Variants in NXPE2 observed in about 807,000 individuals in gnomAD.
NXPE2 encodes the protein neurexophilin and PC-esterase domain family member 2, also known as NXPE family member 2.
NXPE2 carries 34 observed loss-of-function variants against 34.4 expected under a neutral mutation model. The ratio of observed to expected loss-of-function variants is 0.99; its 90% CI spans 0.75 to 1.31. NXPE2 has a LOEUF of 1.31. NXPE2 is among the 40% of genes most tolerant of loss of function. NXPE2 has a pLI of 0.00. For missense variants in NXPE2, 649 were observed against 672.5 expected (o/e 0.97, Z 0.39); for synonymous variants, 235 against 231.3 (o/e 1.02, Z -0.15).
chr11:114,790,719 T>G, the NXPE2 span, among the ~76,000 whole-genome samples: 1 of 152,102 alleles, frequency 6.6e-6, no homozygotes, highest in Non-Finnish European at 1.5e-5. Context: ...CAAGCCCAGC[T>G]TTGTGCCAGG....
At chr11:114,719,467 T>C in the NXPE2 span, among the ~76,000 whole-genome samples, 7 of 152,212 alleles carry the variant, frequency 4.6e-5, no homozygotes, top group Non-Finnish European at 8.8e-5. Flanking sequence ...GGGAGCTGCT[T>C]GGTTGTGCCT....
At chr11:114,500,543 T>C in the NXPE2 span, among the ~76,000 whole-genome samples, 7 of 152,280 alleles carry the variant, frequency 4.6e-5, no homozygotes, top group African/African-American at 1.7e-4. Flanking sequence ...TTACGTATTG[T>C]AATATTTTCT....
the NXPE2 span, among the ~76,000 whole-genome samples, chr11:114,585,506 A>C: frequency 6.6e-6 from 1 of 152,114 alleles, no homozygotes; most frequent in South Asian, 2.1e-4. Context: ...AATTGGATTT[A>C]AGTCAAAAAC....
the NXPE2 span, among the ~76,000 whole-genome samples, chr11:114,576,757 A>G: frequency 2.6e-5 from 4 of 151,938 alleles, no homozygotes; most frequent in Admixed American, 6.6e-5. Flanking sequence ...AACTAGTGTA[A>G]CCACTAAGAA....
chr11:114,796,437 A>G, the NXPE2 span, among the ~76,000 whole-genome samples: 1 of 152,216 alleles, frequency 6.6e-6, no homozygotes, highest in Non-Finnish European at 1.5e-5. Flanking sequence ...GAAAATAAGT[A>G]TCAGAGAAAG....
chr11:114,791,875 G>A, the NXPE2 span, among the ~76,000 whole-genome samples: 10 of 152,126 alleles, frequency 6.6e-5, no homozygotes, highest in African/African-American at 2.4e-4. Context: ...CTAACACGGT[G>A]AAACCCTGTC....
chr11:114,557,874 C>A, the NXPE2 span, among the ~76,000 whole-genome samples: 430 of 151,712 alleles, frequency 2.8e-3, no homozygotes, highest in African/African-American at 9.1e-3. Flanking sequence ...GTTTCTTTTG[C>A]GGGCTATACA....
At chr11:114,633,262 T>G in the NXPE2 span, among the ~76,000 whole-genome samples, 1 of 135,142 alleles carries the variant, frequency 7.4e-6, no homozygotes, top group Admixed American at 7.9e-5. Context: ...TATATAAGAA[T>G]GTTATATAGT....
the NXPE2 span, among the ~76,000 whole-genome samples, chr11:114,601,533 T>TATAATATATATTATAATTATAA: frequency 9.8e-4 from 92 of 93,670 alleles, 2 homozygotes; most frequent in African/African-American, 3.9e-3. Context: ...TATAATTATA[T>TATAATATATATTATAATTATAA]ATAATATATA....
Position 114,706,717 on chromosome 11 carries a change from T to C in NXPE2, c.1467T>C (p.Thr489=), listed in dbSNP as rs181636764. The C allele has an allele frequency of 1.8e-4, 274 of 1,552,302 alleles. No homozygotes were observed. Among genetic ancestry groups the C allele is most frequent in the Admixed American group, 8.4e-4 (43 of 50,994 alleles). The stretch of plus-strand genomic sequence containing the variant: ...CGGAGACCAAGGTGATACTTAAAAC[T>C]GAAAACACCAGAGAGATAGAACAAA... The part of the protein sequence containing the change: ...RSPETKVILK[T]ENTREIEQNA... Residue 489 remains threonine, a synonymous_variant, in exon 6 of 6, where the codon ACT becomes ACC. Coordinates refer to ENST00000389586, the MANE Select transcript of NXPE2 (RefSeq NM_182495.6).
At chr11:114,701,020 C>T (rs1361209991) in intron 3 of NXPE2, among the ~76,000 whole-genome samples, 2 of 152,146 alleles carry the variant, frequency 1.3e-5, no homozygotes, top group African/African-American at 4.8e-5. Context: ...TACATCACTA[C>T]AGCCTCTCCC....
At chr11:114,709,760 G>C (rs1458723159), downstream of NXPE2, among the ~76,000 whole-genome samples, 1 of 152,106 alleles carries the variant, frequency 6.6e-6, no homozygotes, top group Non-Finnish European at 1.5e-5. Context: ...AAAATAGCTG[G>C]GCATGGGGGC....
the NXPE2 span, among the ~76,000 whole-genome samples, chr11:114,550,950 A>G: frequency 6.6e-6 from 1 of 152,102 alleles, no homozygotes; most frequent in African/African-American, 2.4e-5. Context: ...GGTGTCCACA[A>G]TGCCTCTAAG....
chr11:114,656,919 C>T, the NXPE2 span, among the ~76,000 whole-genome samples: 2 of 151,896 alleles, frequency 1.3e-5, no homozygotes, highest in South Asian at 2.1e-4. Context: ...GGTGAAACCC[C>T]GTCTCTACTA....
chr11:114,526,158 C>G, the NXPE2 span, among the ~76,000 whole-genome samples: 327 of 152,280 alleles, frequency 2.1e-3, no homozygotes, highest in African/African-American at 7.3e-3. Flanking sequence ...GCCTTAAAAA[C>G]CTGGAATAAG....
At chr11:114,489,828 A>G in the NXPE2 span, among the ~76,000 whole-genome samples, 8 of 152,194 alleles carry the variant, frequency 5.3e-5, no homozygotes, top group African/African-American at 1.9e-4. Flanking sequence ...CACCACTCCT[A>G]TTCAACATAG....
the NXPE2 span, among the ~76,000 whole-genome samples, chr11:114,651,493 G>A: frequency 2.6e-5 from 4 of 152,204 alleles, no homozygotes; most frequent in Non-Finnish European, 5.9e-5. Flanking sequence ...TTATTGCAAA[G>A]AGCAAAAGAA....
At chr11:114,710,776 C>T (rs1056244200), downstream of NXPE2, among the ~76,000 whole-genome samples, 1 of 151,948 alleles carries the variant, frequency 6.6e-6, no homozygotes, top group African/African-American at 2.4e-5. Flanking sequence ...GACACCAAGA[C>T]AAAGACAAGA....
chr11:114,582,626 C>G, the NXPE2 span: 1 of 1,614,168 alleles, frequency 6.2e-7, no homozygotes, highest in East Asian at 2.2e-5. Context: ...TGAAGCTGAC[C>G]AGGTAGGTGC....
Sources: gnomAD v4.1 joint callset for allele counts (sites outside exome capture counted in the v4.1 genomes callset) on GRCh38, gnomAD v4.1.1 for gene constraint, MANE v1.5 for transcripts, NCBI Gene and HGNC (gene_info 2026-07-23, HGNC 2026-07-21) for gene names.